Variants in AFF2 observed in about 807,000 individuals in gnomAD.
AFF2 encodes ALF transcription elongation factor 2.
AFF2 carries 14 observed loss-of-function variants against 76.9 expected under a neutral mutation model. The ratio of observed to expected loss-of-function variants is 0.18; its 90% CI spans 0.12 to 0.28. AFF2 has a LOEUF of 0.28. Among genes scored for constraint, AFF2 ranks in the 10% least tolerant of loss-of-function variants. The pLI, the probability that AFF2 is intolerant of heterozygous loss-of-function variation, is 1.00. For synonymous variants in AFF2, 398 were observed against 366.7 expected (o/e 1.09, Z -0.98); for missense variants, 868 against 1,001.1 (o/e 0.87, Z 1.79).
chrX:148,610,779 T>C (rs920946775), intron 1 of AFF2, among the ~76,000 whole-genome samples: 1 of 111,482 alleles, frequency 9.0e-6, no homozygotes, highest in Non-Finnish European at 1.9e-5. Flanking sequence ...CTTAGTGACA[T>C]TGGGCTCAAC....
intron 16 of AFF2, among the ~76,000 whole-genome samples, 196 bp from the exon 17 acceptor site, chrX:148,977,737 A>G (rs2072344154): frequency 9.0e-6 from 1 of 110,792 alleles, no homozygotes; most frequent in Non-Finnish European, 1.9e-5. Flanking sequence ...ATTTCACATG[A>G]GTCCTCTTAT....
chrX:148,584,936 A>C (rs1341125721), intron 1 of AFF2, among the ~76,000 whole-genome samples: 1 of 111,754 alleles, frequency 8.9e-6, no homozygotes, highest in Non-Finnish European at 1.9e-5. Flanking sequence ...ACAGAACATC[A>C]GATCTAATTG....
intron 3 of AFF2, among the ~76,000 whole-genome samples, chrX:148,740,853 G>C (rs782650329): frequency 8.9e-6 from 1 of 111,950 alleles, no homozygotes; most frequent in South Asian, 3.8e-4. Context: ...CCTTGATGTA[G>C]TACTCTCCTC....
intron 3 of AFF2, among the ~76,000 whole-genome samples, chrX:148,664,772 G>A (rs1351810767): frequency 1.8e-5 from 2 of 112,233 alleles, no homozygotes; most frequent in Non-Finnish European, 3.8e-5. Flanking sequence ...CATTTTCTAA[G>A]CCACAATGTT....
In AFF2 at chrX:148,993,403, A is replaced by C. The variant is rs1415824611; in HGVS notation, c.*2071A>C. 8.9e-6 allele frequency: 1 copy of C among 112,311 alleles called. No individual in the cohort carries two copies. The highest frequency in any genetic ancestry group is 3.2e-5 in the African/African-American group (1 of 30,889). 9.3% of individuals were successfully genotyped at this position (112,311 alleles called of 1,213,427 possible). ...ATAAAAATTAAGCTGATGACTTTGC[A>C]GTGACTCAAGTTGTCTCTTTATCAT... On this transcript the variant is annotated 3_prime_UTR_variant, in exon 21 of 21. Coordinates refer to ENST00000370460, the MANE Select transcript of AFF2 (RefSeq NM_002025.4).
chrX:148,726,455 C>T (rs781902184), intron 3 of AFF2, among the ~76,000 whole-genome samples: 11 of 111,654 alleles, frequency 9.9e-5, no homozygotes, highest in African/African-American at 2.6e-4. Flanking sequence ...AGACTTCAGC[C>T]GAAGACCAAC....
intron 9 of AFF2, among the ~76,000 whole-genome samples, chrX:148,915,971 A>G (rs1306116042): frequency 1.8e-5 from 2 of 111,726 alleles, no homozygotes; most frequent in Non-Finnish European, 3.8e-5. Context: ...ACATCTGTTT[A>G]CATATGTGAT....
At chrX:148,778,052 T>C (rs2069690357) in intron 3 of AFF2, among the ~76,000 whole-genome samples, 1 of 112,209 alleles carries the variant, frequency 8.9e-6, no homozygotes, top group Admixed American at 9.4e-5. Flanking sequence ...TTGAGTGTTT[T>C]TAGCATGAAG....
At chrX:148,891,188 C>T (rs1318282166) in intron 8 of AFF2, among the ~76,000 whole-genome samples, 1 of 111,566 alleles carries the variant, frequency 9.0e-6, no homozygotes, top group Non-Finnish European at 1.9e-5. Flanking sequence ...AGTGGCCTGA[C>T]CCAGGAGGAC....
At chrX:148,596,664 A>C (rs2053575017) in intron 1 of AFF2, among the ~76,000 whole-genome samples, 1 of 112,285 alleles carries the variant, frequency 8.9e-6, no homozygotes, top group Admixed American at 9.4e-5. Context: ...GGCAGATCCT[A>C]AATGTCAGTT....
At chrX:148,581,119 A>ATATGTGTATATG (rs1557244560) in intron 1 of AFF2, among the ~76,000 whole-genome samples, 9 of 102,548 alleles carry the variant, frequency 8.8e-5, no homozygotes, top group African/African-American at 2.4e-4. Flanking sequence ...ATACGTATAC[A>ATATGTGTATATG]CACATATACG....
chrX:148,575,923 A>G (rs1018660620), intron 1 of AFF2, among the ~76,000 whole-genome samples: 5 of 110,231 alleles, frequency 4.5e-5, no homozygotes, highest in Non-Finnish European at 9.5e-5. Context: ...GCTAAATAGC[A>G]TGTGGTGTGT....
intron 7 of AFF2, among the ~76,000 whole-genome samples, chrX:148,852,017 G>A (rs1296493661): frequency 9.0e-6 from 1 of 110,640 alleles, no homozygotes; most frequent in Non-Finnish European, 1.9e-5. Flanking sequence ...AAGGATAATA[G>A]CCTCCAGCTC....
intron 1 of AFF2, among the ~76,000 whole-genome samples, chrX:148,623,517 G>T (rs926974595): frequency 1.9e-5 from 2 of 107,849 alleles, no homozygotes; most frequent in Non-Finnish European, 3.8e-5. Context: ...ATATTGGAGG[G>T]TTTATTTTAG....
chrX:148,654,698 G>A (rs2054234305), intron 2 of AFF2, among the ~76,000 whole-genome samples: 2 of 109,038 alleles, frequency 1.8e-5, no homozygotes, highest in South Asian at 4.1e-4. Context: ...AGGGTAGAAG[G>A]TGGGAACAGA....
chrX:148,850,529 C>G (rs182244654), intron 7 of AFF2, among the ~76,000 whole-genome samples: 1 of 111,544 alleles, frequency 9.0e-6, no homozygotes, highest in East Asian at 2.8e-4. Context: ...CACACCCCCA[C>G]ACACACACAC....
intron 3 of AFF2, among the ~76,000 whole-genome samples, chrX:148,752,481 T>A (rs1403871128): frequency 8.9e-6 from 1 of 111,747 alleles, no homozygotes; most frequent in Non-Finnish European, 1.9e-5. Flanking sequence ...CTATGGAGTT[T>A]GTCCATCTAG....
intron 3 of AFF2, among the ~76,000 whole-genome samples, chrX:148,792,067 A>T (rs888734837): frequency 2.7e-5 from 3 of 111,190 alleles, no homozygotes; most frequent in African/African-American, 9.8e-5. Flanking sequence ...GATTAAGAAC[A>T]TGGGTTTGAA....
At chrX:148,669,975 G>T (rs893122408) in intron 3 of AFF2, among the ~76,000 whole-genome samples, 1 of 111,220 alleles carries the variant, frequency 9.0e-6, no homozygotes, top group Admixed American at 9.5e-5. Flanking sequence ...CCATCCCCTG[G>T]TAGTTGCATT....
Sources: allele counts gnomAD v4.1 joint callset (sites outside exome capture counted in the v4.1 genomes callset), GRCh38; gene constraint gnomAD v4.1.1; transcripts MANE v1.5; gene names NCBI Gene and HGNC (gene_info 2026-07-23, HGNC 2026-07-21).